The following MDGA2 variants were observed in gnomAD, a reference collection of about 807,000 sequenced individuals.
MDGA2 encodes the protein MAM domain-containing glycosylphosphatidylinositol anchor protein 2.
MDGA2 carries 40 observed loss-of-function variants against 117.8 expected under a neutral mutation model. That is an observed-to-expected ratio of 0.34 (90% confidence interval 0.26 to 0.44). The LOEUF (loss-of-function observed/expected upper bound fraction) is 0.44. Among genes scored for constraint, MDGA2 ranks in the 20% least tolerant of loss-of-function variants. The probability of loss-of-function intolerance (pLI) is 1.00; values close to 1 mark genes in which losing one functional copy is unlikely to be tolerated. For synonymous variants in MDGA2, 452 were observed against 439.0 expected, an observed-to-expected ratio of 1.03 and a Z score of -0.37; for missense variants, 1,123 against 1,250.6, an observed-to-expected ratio of 0.90 and a Z score of 1.54.
intron 1 of MDGA2, among the ~76,000 whole-genome samples, chr14:47,425,522 C>A (rs958812990): frequency 6.6e-6 from 1 of 152,040 alleles, no homozygotes; most frequent in African/African-American, 2.4e-5. Flanking sequence ...CACGCACACA[C>A]GCGCACACAG....
intron 3 of MDGA2, among the ~76,000 whole-genome samples, chr14:47,158,450 A>G (rs1883499274): frequency 6.7e-6 from 1 of 148,802 alleles, no homozygotes; most frequent in Non-Finnish European, 1.5e-5. Context: ...TAAAAATTAA[A>G]TCATATAACA....
intron 10 of MDGA2, among the ~76,000 whole-genome samples, chr14:46,900,226 A>G (rs1158785708): frequency 6.6e-6 from 1 of 152,168 alleles, no homozygotes; most frequent in African/African-American, 2.4e-5. Flanking sequence ...TGATAAACAT[A>G]TACAGAAAGT....
intron 8 of MDGA2, among the ~76,000 whole-genome samples, chr14:46,992,739 C>T (rs1317834582): frequency 6.6e-6 from 1 of 152,182 alleles, no homozygotes; most frequent in South Asian, 2.1e-4. Flanking sequence ...ATAAAATGAG[C>T]ACAGCTGTGT....
At chr14:47,389,342 C>T (rs1224025319) in intron 1 of MDGA2, among the ~76,000 whole-genome samples, 2 of 152,012 alleles carry the variant, frequency 1.3e-5, no homozygotes, top group African/African-American at 4.8e-5. Flanking sequence ...AATTAAATAA[C>T]AAAAAGTCCC....
At chr14:47,068,462 C>T (rs1288461973) in intron 6 of MDGA2, among the ~76,000 whole-genome samples, 2 of 149,888 alleles carry the variant, frequency 1.3e-5, no homozygotes, top group South Asian at 2.1e-4. Context: ...ATGTCTTTAT[C>T]GGTGTCATAA....
intron 4 of MDGA2, among the ~76,000 whole-genome samples, chr14:47,141,080 C>G (rs1882696478): frequency 6.6e-6 from 1 of 152,052 alleles, no homozygotes; most frequent in Non-Finnish European, 1.5e-5. Flanking sequence ...ACATGCAAAA[C>G]AAAACCACAG....
At chr14:47,558,599 T>C (rs1485547198) in intron 1 of MDGA2, among the ~76,000 whole-genome samples, 1 of 152,224 alleles carries the variant, frequency 6.6e-6, no homozygotes, top group African/African-American at 2.4e-5. Context: ...TAGCCTCTGC[T>C]TTCAGGGAGA....
chr14:47,630,328 A>C (rs948631497), intron 1 of MDGA2, among the ~76,000 whole-genome samples: 1 of 152,188 alleles, frequency 6.6e-6, no homozygotes, highest in East Asian at 1.9e-4. Flanking sequence ...ATGGAAACTA[A>C]ATTTTTAGCT....
In MDGA2 at chr14:47,106,077, G is replaced by A. The variant is rs560113554; in HGVS notation, c.926-8954C>T. ...TGCTCCTTTTTCTTTATCCCAAATC[G>A]GATAGCGTTTAGGCTTTTTTTCATC... On this transcript the variant is annotated intron_variant, in intron 5 of 16. Coordinates refer to ENST00000399232, the MANE Select transcript of MDGA2 (RefSeq NM_001113498.3). Among the ~76,000 whole-genome samples the A allele has an allele frequency of 8.5e-4, 130 of 152,148 alleles. 2 individuals are homozygous for A. Among genetic ancestry groups the A allele is most frequent in the African/African-American group, 2.9e-3 (120 of 41,494 alleles).
intron 1 of MDGA2, among the ~76,000 whole-genome samples, chr14:47,658,439 C>A (rs879367669): frequency 6.6e-6 from 1 of 152,066 alleles, no homozygotes; most frequent in African/African-American, 2.4e-5. Context: ...GTAATGGGTT[C>A]TAGAAGAAGT....
chr14:47,235,833 G>A (rs921207670), intron 2 of MDGA2, among the ~76,000 whole-genome samples: 14 of 151,978 alleles, frequency 9.2e-5, no homozygotes, highest in African/African-American at 3.4e-4. Context: ...GACTCATGCC[G>A]AGAGGAACTA....
intron 2 of MDGA2, among the ~76,000 whole-genome samples, chr14:47,265,981 A>G (rs1887952987): frequency 6.6e-6 from 1 of 152,154 alleles, no homozygotes; most frequent in African/African-American, 2.4e-5. Flanking sequence ...AATGCTATTG[A>G]TTGCAAACAC....
At chr14:47,085,340 T>C (rs1007257576) in intron 6 of MDGA2, among the ~76,000 whole-genome samples, 1 of 152,102 alleles carries the variant, frequency 6.6e-6, no homozygotes, top group Admixed American at 6.6e-5. Flanking sequence ...TGTACAACAA[T>C]CAAGAAAACC....
intron 4 of MDGA2, among the ~76,000 whole-genome samples, chr14:47,137,073 T>C (rs1342503085): frequency 6.6e-6 from 1 of 152,174 alleles, no homozygotes; most frequent in Non-Finnish European, 1.5e-5. Flanking sequence ...TTAAAATATT[T>C]TGTATACCTG....
chr14:47,139,547 CT>C (rs1427216020), intron 4 of MDGA2, among the ~76,000 whole-genome samples: 1 of 151,584 alleles, frequency 6.6e-6, no homozygotes, highest in African/African-American at 2.4e-5. Flanking sequence ...CTTATTTTAA[CT>C]GAATCTTATT....
chr14:46,911,715 G>A (rs1338619919), intron 10 of MDGA2, among the ~76,000 whole-genome samples: 1 of 152,092 alleles, frequency 6.6e-6, no homozygotes, highest in Non-Finnish European at 1.5e-5. Flanking sequence ...CAAGAGTAAA[G>A]ATCCCATGGC....
intron 1 of MDGA2, among the ~76,000 whole-genome samples, chr14:47,591,067 A>T (rs761708685): frequency 1.3e-5 from 2 of 152,060 alleles, no homozygotes; most frequent in Non-Finnish European, 2.9e-5. Flanking sequence ...ACTGGCAATG[A>T]ATAGAACTTT....
At chr14:47,157,057 G>C (rs552162071) in intron 3 of MDGA2, among the ~76,000 whole-genome samples, 39 of 152,224 alleles carry the variant, frequency 2.6e-4, no homozygotes, top group African/African-American at 8.4e-4. Context: ...TAAGAACAAA[G>C]CATCAATATA....
intron 1 of MDGA2, among the ~76,000 whole-genome samples, chr14:47,380,393 A>G (rs1294823812): frequency 6.6e-6 from 1 of 152,188 alleles, no homozygotes. Context: ...ACAGAGATAG[A>G]GACACAAAAA....
Sources: gnomAD v4.1 joint callset for allele counts (sites outside exome capture counted in the v4.1 genomes callset) on GRCh38, gnomAD v4.1.1 for gene constraint, MANE v1.5 for transcripts, NCBI Gene and HGNC (gene_info 2026-07-23, HGNC 2026-07-21) for gene names.